Variants in SPAG16 observed in about 807,000 individuals in gnomAD.
SPAG16 encodes sperm associated antigen 16, also known as sperm-associated antigen 16 protein.
Under a neutral mutation model 80.4 loss-of-function variants are expected in SPAG16, and 86 were observed. The ratio of observed to expected loss-of-function variants is 1.07; its 90% CI spans 0.90 to 1.28. SPAG16 has a LOEUF of 1.28. SPAG16 is among the 50% of genes most tolerant of loss of function. SPAG16 has a pLI of 0.00. For synonymous variants in SPAG16, 294 were observed against 265.9 expected (o/e 1.11, Z -1.03); for missense variants, 870 against 765.3 (o/e 1.14, Z -1.61).
chr2:213,493,722 C>A (rs2074361785), intron 10 of SPAG16, among the ~76,000 whole-genome samples: 1 of 152,140 alleles, frequency 6.6e-6, no homozygotes, highest in Admixed American at 6.5e-5. Flanking sequence ...ACCACAGGTG[C>A]CTGCCACCAC....
At chr2:213,417,340 T>C (rs2069319743) in intron 9 of SPAG16, among the ~76,000 whole-genome samples, 1 of 152,236 alleles carries the variant, frequency 6.6e-6, no homozygotes, top group Admixed American at 6.5e-5. Flanking sequence ...CCAGGACTTC[T>C]GACAACTGTT....
At chr2:213,777,413 AT>A (rs947433558) in intron 10 of SPAG16, among the ~76,000 whole-genome samples, 33 of 142,928 alleles carry the variant, frequency 2.3e-4, no homozygotes, top group Admixed American at 3.5e-4. Flanking sequence ...CGCCCAACTA[AT>A]TTTTTTTTTT....
chr2:213,929,304 G>A (rs905960673), intron 11 of SPAG16, among the ~76,000 whole-genome samples: 2 of 151,970 alleles, frequency 1.3e-5, no homozygotes, highest in Non-Finnish European at 2.9e-5. Context: ...GTGAGCCACC[G>A]TGCCCGAGCC....
chr2:213,939,772 T>G (rs1038128873), intron 12 of SPAG16, among the ~76,000 whole-genome samples: 17 of 152,142 alleles, frequency 1.1e-4, no homozygotes, highest in Non-Finnish European at 2.2e-4. Context: ...TTTAGAAAAG[T>G]ATACATTAGC....
intron 12 of SPAG16, among the ~76,000 whole-genome samples, chr2:214,012,349 G>A (rs112880693): frequency 0.12 from 16,441 of 131,936 alleles, 1,396 homozygotes; most frequent in African/African-American, 0.25. Flanking sequence ...AGTCTGGAGT[G>A]CAGTGGTGTG....
chr2:213,925,624 T>G (rs909544561), intron 11 of SPAG16, among the ~76,000 whole-genome samples: 11 of 152,254 alleles, frequency 7.2e-5, no homozygotes, highest in Non-Finnish European at 1.6e-4. Flanking sequence ...GGTTCTGGAA[T>G]TACAGACATG....
chr2:213,701,265 A>T (rs947591950), intron 10 of SPAG16, among the ~76,000 whole-genome samples: 2 of 143,092 alleles, frequency 1.4e-5, no homozygotes, highest in Admixed American at 6.9e-5. Context: ...AAATAAATAA[A>T]TAAGATGATC....
chr2:213,340,753 A>G (rs2064642314), intron 6 of SPAG16, among the ~76,000 whole-genome samples: 1 of 152,176 alleles, frequency 6.6e-6, no homozygotes, highest in Non-Finnish European at 1.5e-5. Flanking sequence ...CTAAATGACT[A>G]TGAATTTGTA....
At chr2:213,553,410 G>T (rs1322339719) in intron 10 of SPAG16, among the ~76,000 whole-genome samples, 1 of 152,124 alleles carries the variant, frequency 6.6e-6, no homozygotes, top group African/African-American at 2.4e-5. Flanking sequence ...TATCAGCATG[G>T]TTCATTGACA....
At chr2:213,814,154 A>G (rs1250306259) in intron 10 of SPAG16, among the ~76,000 whole-genome samples, 1 of 152,154 alleles carries the variant, frequency 6.6e-6, no homozygotes, top group Non-Finnish European at 1.5e-5. Flanking sequence ...AAATTCAGGG[A>G]AAAGTTCATG....
intron 9 of SPAG16, among the ~76,000 whole-genome samples, chr2:213,423,600 A>G (rs891525019): frequency 7.9e-5 from 12 of 152,200 alleles, no homozygotes; most frequent in African/African-American, 2.9e-4. Flanking sequence ...GTTTCAGACA[A>G]TTCTGTTTCA....
At position 213,667,908 on chromosome 2, in the gene SPAG16, C is replaced by T. The variant is rs185081397; in HGVS notation, c.1070+177818C>T. On this transcript the variant is annotated intron_variant, in intron 10 of 15. Coordinates refer to ENST00000331683, the MANE Select transcript of SPAG16 (RefSeq NM_024532.5). ...ATAGTTAATTTTATATAATTATAAA[C>T]GAGTGTATTTGAATAAAAATTCTAC... 6.0e-5 allele frequency among the ~76,000 whole-genome samples: 9 copies of T among 151,240 alleles called. No homozygotes were observed. The East Asian group carries it at 7.7e-4, about 13-fold the overall frequency.
At chr2:214,373,982 G>T (rs1047632618) in intron 15 of SPAG16, among the ~76,000 whole-genome samples, 2 of 152,168 alleles carry the variant, frequency 1.3e-5, no homozygotes, top group Admixed American at 1.3e-4. Flanking sequence ...TTATCCCTGA[G>T]CTTGTCAGTC....
intron 10 of SPAG16, among the ~76,000 whole-genome samples, chr2:213,672,915 G>C (rs973594345): frequency 1.4e-5 from 2 of 146,314 alleles, no homozygotes; most frequent in Admixed American, 1.4e-4. Flanking sequence ...CTGGAGTGCA[G>C]TGGCACGATC....
At chr2:214,329,223 G>C (rs1696714166) in intron 15 of SPAG16, among the ~76,000 whole-genome samples, 1 of 152,184 alleles carries the variant, frequency 6.6e-6, no homozygotes, top group African/African-American at 2.4e-5. Flanking sequence ...ATGACAAGAT[G>C]CAGCCAACAC....
At chr2:213,587,384 T>C (rs2060510593) in intron 10 of SPAG16, among the ~76,000 whole-genome samples, 1 of 152,128 alleles carries the variant, frequency 6.6e-6, no homozygotes, top group Admixed American at 6.5e-5. Context: ...CCTGGGTCAA[T>C]TGAGGAGTAC....
At chr2:214,095,909 G>A (rs1021582936) in intron 13 of SPAG16, among the ~76,000 whole-genome samples, 1 of 151,714 alleles carries the variant, frequency 6.6e-6, no homozygotes, top group Non-Finnish European at 1.5e-5. Flanking sequence ...CTGTTTCTAT[G>A]GGGGAAAATA....
rs115180784 is a variant in SPAG16 at position 213,886,433 on chromosome 2, A to G, written c.1214+23805A>G. ...AAGCAGGAATAGGTCAGAGAGGACT[A>G]TTGATTCTGAGGCTGTATTTGAGGA... On this transcript the variant is annotated intron_variant, in intron 11 of 15. Coordinates refer to ENST00000331683, the MANE Select transcript of SPAG16 (RefSeq NM_024532.5). Among the ~76,000 whole-genome samples the G allele has an allele frequency of 6.0e-3, 907 of 152,164 alleles. 11 individuals are homozygous for G. Among genetic ancestry groups the G allele is most frequent in the African/African-American group, 0.021 (856 of 41,524 alleles).
At chr2:213,627,250 C>T (rs915552538) in intron 10 of SPAG16, among the ~76,000 whole-genome samples, 4 of 152,154 alleles carry the variant, frequency 2.6e-5, no homozygotes, top group African/African-American at 9.6e-5. Flanking sequence ...GCGTTCCTCA[C>T]GTGGTTAGGG....
Sources: allele counts gnomAD v4.1 joint callset (sites outside exome capture counted in the v4.1 genomes callset), GRCh38; gene constraint gnomAD v4.1.1; transcripts MANE v1.5; gene names NCBI Gene and HGNC (gene_info 2026-07-23, HGNC 2026-07-21).